The following ADGB variants were observed in gnomAD, a reference collection of about 807,000 sequenced individuals.
ADGB encodes the protein androglobin.
In ADGB, 172 loss-of-function variants were observed where a neutral mutation model predicts 210.5. The ratio of observed to expected loss-of-function variants is 0.82; its 90% CI spans 0.72 to 0.93. ADGB has a LOEUF of 0.93. ADGB is among the 40% of genes least tolerant of loss of function. The pLI, the probability that ADGB is intolerant of heterozygous loss-of-function variation, is 0.00. For missense variants in ADGB, 2,025 were observed against 1,964.8 expected, an observed-to-expected ratio of 1.03 and a Z score of -0.58; for synonymous variants, 658 against 662.7, an observed-to-expected ratio of 0.99 and a Z score of 0.11.
At chr6:146,703,897 C>A (rs142696726) in intron 13 of ADGB, among the ~76,000 whole-genome samples, 16 of 151,440 alleles carry the variant, frequency 1.1e-4, no homozygotes, top group Non-Finnish European at 1.8e-4. Context: ...ATACTGTTTT[C>A]TACAGTGGCT....
chr6:146,804,799 A>G (rs1434548209), intron 35 of ADGB, among the ~76,000 whole-genome samples: 1 of 152,200 alleles, frequency 6.6e-6, no homozygotes, highest in East Asian at 1.9e-4. Context: ...ATCCTGTGGT[A>G]ACAAAACCCC....
chr6:146,685,663 A>G, intron 9 of ADGB, 71 bp from the exon 10 acceptor site: 1 of 829,408 alleles, frequency 1.2e-6, no homozygotes, highest in Non-Finnish European at 1.8e-6. Flanking sequence ...CAATTGAACA[A>G]TCTGGAGTGA....
chr6:146,782,323 C>T, intron 30 of ADGB, 131 bp downstream of exon 30: 1 of 930,944 alleles, frequency 1.1e-6, no homozygotes, highest in Admixed American at 3.4e-5. Context: ...CATCTAGATA[C>T]TTTGAGGACA....
At chr6:146,788,193 G>A (rs1397285447) in intron 32 of ADGB, among the ~76,000 whole-genome samples, 196 bp from the exon 33 acceptor site, 1 of 152,142 alleles carries the variant, frequency 6.6e-6, no homozygotes, top group Non-Finnish European at 1.5e-5. Context: ...TATGGAGGCA[G>A]CTTTCAGACA....
chr6:146,778,406 T>C (rs544054156), intron 29 of ADGB, among the ~76,000 whole-genome samples: 1 of 152,320 alleles, frequency 6.6e-6, no homozygotes, highest in South Asian at 2.1e-4. Context: ...TGAAAGAATG[T>C]AGGAGAAAAG....
intron 8 of ADGB, among the ~76,000 whole-genome samples, chr6:146,672,671 G>T (rs144083865): frequency 6.6e-6 from 1 of 151,844 alleles, no homozygotes; most frequent in African/African-American, 2.4e-5. Flanking sequence ...CAGTTACAGA[G>T]TAGGGCATCT....
chr6:146,726,543 C>T (rs1776898757), intron 19 of ADGB, among the ~76,000 whole-genome samples: 1 of 152,144 alleles, frequency 6.6e-6, no homozygotes, highest in Non-Finnish European at 1.5e-5. Flanking sequence ...TTTTTATGTG[C>T]TTTATTTTCA....
At position 146,664,323 on chromosome 6, in the gene ADGB, C is replaced by T. The variant is rs1391372959; in HGVS notation, c.735C>T (p.Ile245=). 1 of 1,548,324 alleles carries T rather than the reference C, an allele frequency of 6.5e-7. No homozygotes were observed. The highest frequency in any genetic ancestry group is 8.7e-7 in the Non-Finnish European group (1 of 1,145,518). Residue 245 remains isoleucine (I), a synonymous_variant, in exon 6 of 36, where the codon ATC becomes ATT. Coordinates refer to ENST00000397944, the MANE Select transcript of ADGB (RefSeq NM_024694.4). The part of the protein sequence containing the change: ...LWPMLLSKAI[I]KLANIDIHVA... ...CAATGCTTTTGTCTAAAGCTATTATCAAGCTGGCAAATATTGAGTATGTAA... is the reference window on the plus strand; with the variant it reads ...CAATGCTTTTGTCTAAAGCTATTATTAAGCTGGCAAATATTGAGTATGTAA...
At position 146,635,359 on chromosome 6, in the gene ADGB, C is replaced by T. The variant is rs1271764397; in HGVS notation, c.75-16C>T. ...TTTAATTAAACCTAACCCACCCACT[C>T]TCTGTCTCTGTCTAGTTTCTATCCT... On this transcript the variant is annotated splice_polypyrimidine_tract_variant and intron_variant, in intron 1 of 35. Coordinates refer to ENST00000397944, the MANE Select transcript of ADGB (RefSeq NM_024694.4). The T allele has an allele frequency of 2.8e-6, 4 of 1,443,222 alleles. No homozygotes were observed. Among genetic ancestry groups the T allele is most frequent in the Admixed American group, 5.6e-5 (2 of 35,722 alleles). The allele number at this position is 1,443,222 out of a possible 1,614,324, so 89.4% of individuals were successfully genotyped here.
intron 1 of ADGB, among the ~76,000 whole-genome samples, chr6:146,604,576 A>T (rs1414043098): frequency 6.6e-6 from 1 of 152,152 alleles, no homozygotes; most frequent in East Asian, 1.9e-4. Context: ...GACAAAAAAA[A>T]AAAGATCAAC....
chr6:146,810,980 T>C (rs748375913), intron 35 of ADGB, among the ~76,000 whole-genome samples: 2 of 152,178 alleles, frequency 1.3e-5, no homozygotes, highest in Admixed American at 6.5e-5. Flanking sequence ...TTCGAACATA[T>C]ACAGTTTATT....
At chr6:146,813,579 C>T (rs1165043191) in intron 35 of ADGB, among the ~76,000 whole-genome samples, 1 of 151,980 alleles carries the variant, frequency 6.6e-6, no homozygotes, top group Non-Finnish European at 1.5e-5. Flanking sequence ...GACAGATATT[C>T]TGTTTAGATT....
At chr6:146,811,395 T>C (rs1562308328) in intron 35 of ADGB, among the ~76,000 whole-genome samples, 1 of 151,622 alleles carries the variant, frequency 6.6e-6, no homozygotes, top group African/African-American at 2.4e-5. Flanking sequence ...TATTCATATA[T>C]AAATTTATGA....
At chr6:146,731,488 G>T (rs2114584604) in intron 20 of ADGB, among the ~76,000 whole-genome samples, 1 of 152,130 alleles carries the variant, frequency 6.6e-6, no homozygotes, top group African/African-American at 2.4e-5. Context: ...TGTTTACCTG[G>T]TGAGTGATCC....
intron 2 of ADGB, among the ~76,000 whole-genome samples, chr6:146,642,907 T>C (rs1187848324): frequency 6.6e-6 from 1 of 151,830 alleles, no homozygotes; most frequent in Non-Finnish European, 1.5e-5. Flanking sequence ...CCCCCAATTA[T>C]AAAATAAAAG....
rs528797295 is a variant in ADGB, at chr6:146,698,409, C to T, written c.1578-2532C>T. Among the ~76,000 whole-genome samples the T allele has an allele frequency of 3.9e-5, 6 of 152,202 alleles. No homozygotes were observed. The South Asian group carries it at 1.0e-3, about 26-fold the overall frequency. On this transcript the variant is annotated intron_variant, in intron 12 of 35. Coordinates refer to ENST00000397944, the MANE Select transcript of ADGB (RefSeq NM_024694.4). ...AAGCAGTCAAAATTTAGATCTGTAC[C>T]GTGTTCATTGTGCTTTCCTACTTTT...
chr6:146,762,072 T>C (rs1311635787), intron 27 of ADGB, among the ~76,000 whole-genome samples: 1 of 152,072 alleles, frequency 6.6e-6, no homozygotes, highest in Non-Finnish European at 1.5e-5. Context: ...GATGTCTTCT[T>C]AGGATCTTTT....
chr6:146,611,468 A>C (rs1324410335), intron 1 of ADGB, among the ~76,000 whole-genome samples: 2 of 152,082 alleles, frequency 1.3e-5, no homozygotes, highest in African/African-American at 4.8e-5. Context: ...GAAGCTCTCC[A>C]TGCCAGCTCA....
chr6:146,769,996 C>T (rs1397935391), intron 29 of ADGB, among the ~76,000 whole-genome samples: 3 of 152,094 alleles, frequency 2.0e-5, no homozygotes, highest in Non-Finnish European at 4.4e-5. Context: ...TAAATTTTAT[C>T]TATTATTTAT....
Sources: gnomAD v4.1 joint callset for allele counts (sites outside exome capture counted in the v4.1 genomes callset) on GRCh38, gnomAD v4.1.1 for gene constraint, MANE v1.5 for transcripts, NCBI Gene and HGNC (gene_info 2026-07-23, HGNC 2026-07-21) for gene names.